Variants in PCDH17 observed in about 807,000 individuals in gnomAD.
PCDH17 encodes protocadherin-17.
PCDH17 carries 21 observed loss-of-function variants against 67.7 expected under a neutral mutation model. The ratio of observed to expected loss-of-function variants is 0.31; its 90% confidence interval spans 0.22 to 0.45. PCDH17 has a LOEUF of 0.45. Among genes scored for constraint, PCDH17 ranks in the 20% least tolerant of loss-of-function variants. The pLI, the probability that PCDH17 is intolerant of heterozygous loss-of-function variation, is 1.00. For synonymous variants in PCDH17, 701 were observed against 656.7 expected, an observed-to-expected ratio of 1.07 and a Z score of -1.03; for missense variants, 1,471 against 1,564.8, an observed-to-expected ratio of 0.94 and a Z score of 1.01.
At chr13:57,665,179 G>C (rs1032508479) in intron 1 of PCDH17, among the ~76,000 whole-genome samples, 25 of 144,188 alleles carry the variant, frequency 1.7e-4, no homozygotes, top group Admixed American at 1.1e-3. Flanking sequence ...TTGTGGGGGG[G>C]GTTTCTGTCC....
Position 57,678,126 on chromosome 13 carries a change from ACTCT to A in PCDH17, c.2797+11302_2797+11305del, listed in dbSNP as rs1174624547. ...TTAATTAGCCAGATTTAACTATTTC[ACTCT>A]CTCTCTCTATCTCCATATATATATA... On this transcript the variant is annotated intron_variant, in intron 3 of 3. Transcript: ENST00000377918. Among the ~76,000 whole-genome samples, 34 of 144,086 alleles carry A rather than the reference ACTCT, an allele frequency of 2.4e-4. No individual in the cohort carries two copies. In the East Asian group the frequency reaches 3.4e-3, roughly 14 times the overall value. 94.5% of individuals were successfully genotyped at this position (144,086 alleles called of 152,430 possible).
intron 3 of PCDH17, among the ~76,000 whole-genome samples, chr13:57,671,925 A>G (rs1319578741): frequency 6.6e-6 from 1 of 152,016 alleles, no homozygotes; most frequent in African/African-American, 2.4e-5. Context: ...TCTGCTTCCC[A>G]GGGATTACCA....
chr13:57,721,998 A>G (rs537097936), intron 3 of PCDH17, among the ~76,000 whole-genome samples: 1 of 152,128 alleles, frequency 6.6e-6, no homozygotes, highest in African/African-American at 2.4e-5. Context: ...TGTCCATTCA[A>G]TTTTCTTCAC....
chr13:57,686,360 T>G (rs1417296489), intron 3 of PCDH17, among the ~76,000 whole-genome samples: 1 of 151,926 alleles, frequency 6.6e-6, no homozygotes, highest in African/African-American at 2.4e-5. Context: ...AACCTGAGAA[T>G]TTGAACATTT....
intron 3 of PCDH17, among the ~76,000 whole-genome samples, chr13:57,699,037 T>C (rs1955637863): frequency 6.6e-6 from 1 of 152,038 alleles, no homozygotes; most frequent in African/African-American, 2.4e-5. Context: ...AGGCACAGAT[T>C]TGAAGTATTA....
chr13:57,670,439 G>C (rs1393386585), intron 3 of PCDH17, among the ~76,000 whole-genome samples: 1 of 151,406 alleles, frequency 6.6e-6, no homozygotes, highest in Admixed American at 6.6e-5. Context: ...AAAAACTAGA[G>C]CTAAATGAAA....
chr13:57,635,623 T>C (rs1187609240), intron 1 of PCDH17, among the ~76,000 whole-genome samples: 1 of 152,216 alleles, frequency 6.6e-6, no homozygotes, highest in Non-Finnish European at 1.5e-5. Context: ...AACTAACTTT[T>C]CATCCTTAAA....
intron 1 of PCDH17, among the ~76,000 whole-genome samples, chr13:57,641,572 AAAAAAAAAAAAAAAAATATATAT>A (rs1462882084): frequency 4.5e-5 from 2 of 44,336 alleles, no homozygotes; most frequent in African/African-American, 8.8e-5. Flanking sequence ...AAAAAAAAAA[AAAAAAAAAAAAAAAAATATATAT>A]ATATATATAT....
At chr13:57,700,884 C>T (rs1333273517) in intron 3 of PCDH17, among the ~76,000 whole-genome samples, 1 of 151,984 alleles carries the variant, frequency 6.6e-6, no homozygotes, top group Non-Finnish European at 1.5e-5. Flanking sequence ...GTGTTTTAAG[C>T]CAGGCCTGGT....
chr13:57,728,517 TAAAAAAAAAAAAAA>T lies in PCDH17; in HGVS notation c.*3233_*3246del, dbSNP rs146333612. On this transcript the variant is annotated 3_prime_UTR_variant, in exon 4 of 4. Transcript: ENST00000377918. Reference sequence around the variant, plus strand: ...TTCTAAAAATTGCTTGCAGATGAGCTAAAAAAAAAAAAAAAAAAAAAAAGCAACAAAATAACCTT... The same window carrying T: ...TTCTAAAAATTGCTTGCAGATGAGCTAAAAAAAAAGCAACAAAATAACCTT... 2.8e-5 allele frequency: 2 copies of T among 70,814 alleles called. No homozygotes were observed. Among genetic ancestry groups the T allele is most frequent in the South Asian group, 5.9e-4 (1 of 1,682 alleles). 4.4% of individuals were successfully genotyped at this position (70,814 alleles called of 1,614,324 possible).
chr13:57,651,212 A>G (rs1955033214), intron 1 of PCDH17, among the ~76,000 whole-genome samples: 1 of 152,192 alleles, frequency 6.6e-6, no homozygotes, highest in Non-Finnish European at 1.5e-5. Context: ...TTAAAATTGT[A>G]TAAATTTCAT....
At chr13:57,715,070 C>G (rs1041454252) in intron 3 of PCDH17, among the ~76,000 whole-genome samples, 2 of 151,684 alleles carry the variant, frequency 1.3e-5, no homozygotes, top group African/African-American at 4.8e-5. Flanking sequence ...ATATGTCAGG[C>G]AGGATTTATC....
At chr13:57,697,128 A>AT (rs1358275191) in intron 3 of PCDH17, among the ~76,000 whole-genome samples, 3 of 151,636 alleles carry the variant, frequency 2.0e-5, no homozygotes, top group Non-Finnish European at 4.4e-5. Context: ...CAGTTTTCAA[A>AT]TGCCCCTCTC....
At chr13:57,648,119 ATT>A (rs1485728411) in intron 1 of PCDH17, among the ~76,000 whole-genome samples, 1 of 151,884 alleles carries the variant, frequency 6.6e-6, no homozygotes, top group East Asian at 1.9e-4. Flanking sequence ...ATTTAACGAT[ATT>A]ACAGTTTGGA....
intron 1 of PCDH17, among the ~76,000 whole-genome samples, chr13:57,640,516 T>C (rs146550805): frequency 2.0e-4 from 31 of 152,222 alleles, no homozygotes; most frequent in Non-Finnish European, 3.7e-4. Flanking sequence ...GCTCAAGCTT[T>C]TATTTTTCTT....
At chr13:57,712,271 T>C (rs571953329) in intron 3 of PCDH17, among the ~76,000 whole-genome samples, 1 of 151,826 alleles carries the variant, frequency 6.6e-6, no homozygotes, top group African/African-American at 2.4e-5. Flanking sequence ...ACATTCACGG[T>C]TAGAGTGAAA....
At position 57,636,189 on chromosome 13, in the gene PCDH17, A is replaced by G. The variant is rs939352322; in HGVS notation, c.2565+1078A>G. On this transcript the variant is annotated intron_variant, in intron 1 of 3. Transcript: ENST00000377918. ...TTTACCTACTATTGAGTTGTGTCAC[A>G]GAAAAACTTCATTCTTGCTTATTAT... 3.3e-5 allele frequency among the ~76,000 whole-genome samples: 5 copies of G among 152,194 alleles called. No homozygotes were observed. In the East Asian group the frequency reaches 7.7e-4, roughly 23 times the overall value.
In PCDH17 at chr13:57,633,560, G is replaced by T; in HGVS notation, c.1014G>T (p.Thr338=). 1.9e-6 allele frequency: 3 copies of T among 1,613,708 alleles called. No individual in the cohort carries two copies. In the East Asian group the frequency reaches 6.7e-5, roughly 36 times the overall value. Reference sequence around the variant, plus strand: ...CTATCCCAGCCCACTGCAAAGTCACGGTCAAGCTCATCGACCGCAACGACA... The same window carrying T: ...CTATCCCAGCCCACTGCAAAGTCACTGTCAAGCTCATCGACCGCAACGACA... The part of the protein sequence containing the change: ...PNPIPAHCKV[T]VKLIDRNDNA... The change falls in exon 1 of 4, where the codon ACG becomes ACT. Residue 338 remains threonine, a synonymous_variant. Transcript: ENST00000377918. The surrounding 1 kb of genome is among the most constrained non-coding windows in gnomAD (Gnocchi z 6.2).
intron 3 of PCDH17, among the ~76,000 whole-genome samples, chr13:57,712,390 T>C (rs942120472): frequency 6.6e-6 from 1 of 151,744 alleles, no homozygotes; most frequent in Non-Finnish European, 1.5e-5. Context: ...ATTATATTTC[T>C]AAAGGAATTT....
Sources: gnomAD v4.1 joint callset for allele counts (sites outside exome capture counted in the v4.1 genomes callset) on GRCh38, gnomAD v4.1.1 for gene constraint, Gnocchi (gnomAD v3.1) non-coding constraint, MANE v1.5 for transcripts, NCBI Gene and HGNC (gene_info 2026-07-23, HGNC 2026-07-21) for gene names.